The following GALNT2 variants were observed in gnomAD, a reference collection of about 807,000 sequenced individuals.
GALNT2 encodes UDP-GalNAc:polypeptide N-acetylgalactosaminyltransferase 2.
Under a neutral mutation model 81.4 loss-of-function variants are expected in GALNT2, and 31 were observed. The observed-to-expected ratio is 0.38, with a 90% confidence interval of 0.29 to 0.51. GALNT2 has a LOEUF of 0.51. Ranked by LOEUF, GALNT2 falls within the 20% of genes least tolerant of loss-of-function variation. GALNT2 has a pLI of 0.87. For synonymous variants in GALNT2, 303 were observed against 287.4 expected, an observed-to-expected ratio of 1.05 and a Z score of -0.55; for missense variants, 629 against 765.7, an observed-to-expected ratio of 0.82 and a Z score of 2.11.
intron 2 of GALNT2, 34 bp downstream of exon 2, chr1:230,178,345 G>A: frequency 6.5e-7 from 1 of 1,540,262 alleles, no homozygotes; most frequent in African/African-American, 1.4e-5. Flanking sequence ...ATCTTGCTTT[G>A]AGCACGTGAT....
intron 1 of GALNT2, among the ~76,000 whole-genome samples, chr1:230,157,095 C>G (rs548283160): frequency 6.6e-6 from 1 of 152,138 alleles, no homozygotes; most frequent in Non-Finnish European, 1.5e-5. Flanking sequence ...TTTAAGGCCT[C>G]GTGTACTGTG....
chr1:230,134,354 G>A (rs909398581), intron 1 of GALNT2, among the ~76,000 whole-genome samples: 12 of 152,070 alleles, frequency 7.9e-5, no homozygotes, highest in African/African-American at 2.7e-4. Flanking sequence ...TGATCCGCCC[G>A]CCTTGGCCTC....
chr1:230,136,274 C>T (rs530031743), intron 1 of GALNT2, among the ~76,000 whole-genome samples: 34 of 152,206 alleles, frequency 2.2e-4, no homozygotes, highest in African/African-American at 6.7e-4. Flanking sequence ...TTGATTGGGT[C>T]GCGCCTGATC....
chr1:230,262,483 G>A (rs933455648), intron 11 of GALNT2, 90 bp from the exon 12 acceptor site: 52 of 1,115,962 alleles, frequency 4.7e-5, no homozygotes, highest in East Asian at 2.8e-4. Flanking sequence ...AGAGGGAGCC[G>A]CCTCAGTCAC....
At chr1:230,130,181 A>T (rs2102812033) in intron 1 of GALNT2, among the ~76,000 whole-genome samples, 1 of 152,284 alleles carries the variant, frequency 6.6e-6, no homozygotes, top group East Asian at 1.9e-4. Flanking sequence ...GACCTTTCTC[A>T]TCCCGCCTTC....
intron 1 of GALNT2, among the ~76,000 whole-genome samples, chr1:230,156,896 T>A (rs972583163): frequency 1.3e-5 from 2 of 152,226 alleles, no homozygotes; most frequent in African/African-American, 2.4e-5. Context: ...AAACATCAAC[T>A]GTTTTGAAAA....
At chr1:230,143,344 G>A (rs535396798) in intron 1 of GALNT2, among the ~76,000 whole-genome samples, 1 of 152,298 alleles carries the variant, frequency 6.6e-6, no homozygotes, top group South Asian at 2.1e-4. Flanking sequence ...ATGTCCAGTT[G>A]TTTGCAGCAG....
chr1:230,169,254 TTAA>T (rs1230339198), intron 1 of GALNT2, among the ~76,000 whole-genome samples: 1 of 152,220 alleles, frequency 6.6e-6, no homozygotes, highest in Non-Finnish European at 1.5e-5. Flanking sequence ...TTTAATGTTC[TTAA>T]TGATGGGACT....
At chr1:230,117,779 A>G (rs1660889185) in intron 1 of GALNT2, among the ~76,000 whole-genome samples, 1 of 152,262 alleles carries the variant, frequency 6.6e-6, no homozygotes, top group Non-Finnish European at 1.5e-5. Flanking sequence ...TGTGACATAT[A>G]GACATGAAGT....
intron 2 of GALNT2, among the ~76,000 whole-genome samples, chr1:230,198,557 C>T (rs1663783064): frequency 6.6e-6 from 1 of 152,072 alleles, no homozygotes; most frequent in South Asian, 2.1e-4. Context: ...CCCAGTGCTT[C>T]TCAGAGGACA....
intron 1 of GALNT2, among the ~76,000 whole-genome samples, chr1:230,147,128 GA>G (rs1661943044): frequency 6.6e-6 from 1 of 152,174 alleles, no homozygotes; most frequent in Admixed American, 6.5e-5. Context: ...TGTTGGGGAT[GA>G]GGGGTGGGCA....
chr1:230,179,130 A>C (rs1440943933), intron 2 of GALNT2, among the ~76,000 whole-genome samples: 1 of 151,430 alleles, frequency 6.6e-6, no homozygotes, highest in African/African-American at 2.4e-5. Context: ...ATGTCTTTTC[A>C]TGGCTGGATA....
In GALNT2 at chr1:230,067,376, C is replaced by CG; in HGVS notation, c.101dup (p.Ala35ArgfsTer13). 3 of 1,298,092 alleles carry CG rather than the reference C, an allele frequency of 2.3e-6. No homozygotes were observed. The highest frequency in any genetic ancestry group is 3.0e-6 in the Non-Finnish European group (3 of 1,016,720). The allele number at this position is 1,298,092 out of a possible 1,614,324, so 80.4% of individuals were successfully genotyped here. A position where few individuals can be genotyped will look rare whatever the true frequency, so the allele number is the denominator to read the frequency against. On this transcript the variant is annotated frameshift_variant, in exon 1 of 16. Coordinates refer to ENST00000366672, the MANE Select transcript of GALNT2 (RefSeq NM_004481.5). LOFTEE classifies it high-confidence loss of function. ...ACTCGGGGGGCGGCTCTGCGCTGGC[C>CG]GGGGGCGCGGGCGGCGGCGCCGGCA...
intron 3 of GALNT2, among the ~76,000 whole-genome samples, chr1:230,222,906 T>A: frequency 6.6e-6 from 1 of 152,212 alleles, no homozygotes; most frequent in East Asian, 1.9e-4. Flanking sequence ...AACAACAGCC[T>A]GCCCCCAGAG....
intron 2 of GALNT2, among the ~76,000 whole-genome samples, chr1:230,200,398 A>G (rs948853900): frequency 4.6e-5 from 7 of 151,344 alleles, no homozygotes; most frequent in Non-Finnish European, 5.9e-5. Flanking sequence ...GTCTCCCTCT[A>G]CCTCCTAGAA....
chr1:230,074,098 C>CT (rs11360495), intron 1 of GALNT2, among the ~76,000 whole-genome samples: 28 of 144,880 alleles, frequency 1.9e-4, no homozygotes, highest in Admixed American at 4.8e-4. Flanking sequence ...TTTTGGCTGG[C>CT]TTTTTTTTTT....
intron 1 of GALNT2, among the ~76,000 whole-genome samples, chr1:230,152,298 G>T (rs999849503): frequency 6.6e-6 from 1 of 152,144 alleles, no homozygotes; most frequent in African/African-American, 2.4e-5. Context: ...CCCCAGTCGG[G>T]CTTGGAACCA....
chr1:230,215,846 A>G (rs540342576), intron 3 of GALNT2, among the ~76,000 whole-genome samples: 146 of 152,362 alleles, frequency 9.6e-4, no homozygotes, highest in African/African-American at 3.1e-3. Context: ...CAAATTCAGG[A>G]CATTAATATA....
intron 1 of GALNT2, among the ~76,000 whole-genome samples, chr1:230,092,933 C>A (rs1327244276): frequency 6.6e-6 from 1 of 152,086 alleles, no homozygotes; most frequent in Non-Finnish European, 1.5e-5. Context: ...GAACACCCAC[C>A]CCCATGGAGC....
Sources: allele counts gnomAD v4.1 joint callset (sites outside exome capture counted in the v4.1 genomes callset), GRCh38; gene constraint gnomAD v4.1.1; transcripts MANE v1.5; gene names NCBI Gene and HGNC (gene_info 2026-07-23, HGNC 2026-07-21).